Variants in FBXO5 observed in about 807,000 individuals in gnomAD.
The protein encoded by FBXO5 is F-box only protein 5.
Under a neutral mutation model 43.3 loss-of-function variants are expected in FBXO5, and 8 were observed. That is an observed-to-expected ratio of 0.18 (90% CI 0.11 to 0.33). FBXO5 has a LOEUF of 0.33. Ranked by LOEUF, FBXO5 falls within the 10% of genes least tolerant of loss-of-function variation. The pLI, the probability that FBXO5 is intolerant of heterozygous loss-of-function variation, is 1.00. For missense variants in FBXO5, 491 were observed against 535.7 expected, an observed-to-expected ratio of 0.92 and a Z score of 0.82; for synonymous variants, 204 against 193.7, an observed-to-expected ratio of 1.05 and a Z score of -0.44.
chr6:152,982,055 G>A (rs543860254), intron 1 of FBXO5, among the ~76,000 whole-genome samples: 5 of 152,302 alleles, frequency 3.3e-5, no homozygotes, highest in Admixed American at 1.3e-4. Context: ...TTCAAGGTTC[G>A]TAGTAAAAAT....
chr6:152,978,345 C>T (rs2129094124), intron 1 of FBXO5, among the ~76,000 whole-genome samples: 1 of 115,858 alleles, frequency 8.6e-6, no homozygotes, highest in Non-Finnish European at 1.6e-5. Context: ...TATTTAGCTT[C>T]TAATCCATTA....
At chr6:152,972,669 T>C in intron 3 of FBXO5, 1 of 509,882 alleles carries the variant, frequency 2.0e-6, no homozygotes, top group Non-Finnish European at 3.5e-6. Flanking sequence ...AACCAAATAC[T>C]ATGGGAAATC....
At chr6:152,982,541 C>T (rs1387103125) in intron 1 of FBXO5, among the ~76,000 whole-genome samples, 1 of 152,094 alleles carries the variant, frequency 6.6e-6, no homozygotes, top group Non-Finnish European at 1.5e-5. Flanking sequence ...GTAGGTGGGT[C>T]TTCCGAGGAG....
intron 1 of FBXO5, among the ~76,000 whole-genome samples, chr6:152,976,430 G>A (rs1407632063): frequency 6.6e-6 from 1 of 152,018 alleles, no homozygotes; most frequent in African/African-American, 2.4e-5. Flanking sequence ...TAGTAAACTC[G>A]AGTACCGGGA....
At chr6:152,982,416 G>C (rs995899040) in intron 1 of FBXO5, among the ~76,000 whole-genome samples, 2 of 152,112 alleles carry the variant, frequency 1.3e-5, no homozygotes, top group Non-Finnish European at 2.9e-5. Flanking sequence ...CGCAGGGGGA[G>C]AAGGTGAGGC....
In FBXO5 at chr6:152,973,095, T is replaced by A; in HGVS notation, c.860A>T (p.Asp287Val). 4 of 1,613,942 alleles carry A rather than the reference T, an allele frequency of 2.5e-6. No individual in the cohort carries two copies. The highest frequency in any genetic ancestry group is 3.4e-6 in the Non-Finnish European group (4 of 1,179,900). ...GTACAACTGGAATGCCCCCTTATCATCTTCTAGGATCTTCTTCCAAGTTGT... is the reference window on the plus strand; with the variant it reads ...GTACAACTGGAATGCCCCCTTATCAACTTCTAGGATCTTCTTCCAAGTTGT... ...VSTTWKKILE[D>V]DKGAFQLYSK... The change falls in exon 3 of 5, where the codon GAT (aspartate) becomes GTT (valine). Residue 287 changes from aspartate (D) to valine (V), a missense_variant. Coordinates refer to ENST00000229758, the MANE Select transcript of FBXO5 (RefSeq NM_012177.5).
chr6:152,982,675 C>T (rs1057407151), intron 1 of FBXO5, among the ~76,000 whole-genome samples, 182 bp downstream of exon 1: 1 of 152,158 alleles, frequency 6.6e-6, no homozygotes, highest in Non-Finnish European at 1.5e-5. Context: ...TCTGGCTTCC[C>T]CCCGACACCC....
intron 1 of FBXO5, among the ~76,000 whole-genome samples, chr6:152,978,897 G>A (rs552875927): frequency 5.3e-5 from 8 of 152,002 alleles, no homozygotes; most frequent in African/African-American, 1.4e-4. Context: ...AGGCTGAGGC[G>A]GGAGAATTGC....
chr6:152,971,671 G>A (rs1470356245), intron 4 of FBXO5, among the ~76,000 whole-genome samples: 1 of 152,018 alleles, frequency 6.6e-6, no homozygotes, highest in East Asian at 1.9e-4. Context: ...TTATTATGTA[G>A]GATTTATATT....
chr6:152,983,399 C>T (rs182709451), upstream of FBXO5: 130 of 161,014 alleles, frequency 8.1e-4, no homozygotes, highest in Non-Finnish European at 1.5e-3. Context: ...TAATCTCAGC[C>T]CAAATTCAGC....
At chr6:152,971,801 T>C (rs1197256442) in intron 4 of FBXO5, among the ~76,000 whole-genome samples, 2 of 152,190 alleles carry the variant, frequency 1.3e-5, no homozygotes. Flanking sequence ...GATCTGAAGG[T>C]ATAATAGAAG....
At chr6:152,973,914 A>G (rs1196150791) in intron 2 of FBXO5, 2 of 152,098 alleles carry the variant, frequency 1.3e-5, no homozygotes, top group East Asian at 3.8e-4. Flanking sequence ...TCTGTTTCAT[A>G]AAGACCAGTG....
chr6:152,974,423 T>C (rs1472519891), intron 2 of FBXO5, among the ~76,000 whole-genome samples: 1 of 152,146 alleles, frequency 6.6e-6, no homozygotes, highest in East Asian at 1.9e-4. Flanking sequence ...ATTAGAAATT[T>C]CAAAACTAAA....
Position 152,982,984 on chromosome 6 carries a change from A to G in FBXO5, c.-25T>C. ...TGCCAGCCGACGTGGAGTCTGCCTC[A>G]GGTGGAGGAACCGCTCCGGGGGCAG... On this transcript the variant is annotated 5_prime_UTR_variant, in exon 1 of 5. Coordinates refer to ENST00000229758, the MANE Select transcript of FBXO5 (RefSeq NM_012177.5). 2 of 1,362,972 alleles carry G rather than the reference A, an allele frequency of 1.5e-6. No individual in the cohort carries two copies. The highest frequency in any genetic ancestry group is 1.9e-6 in the Non-Finnish European group (2 of 1,058,552). The allele number at this position is 1,362,972 out of a possible 1,614,324, so 84.4% of individuals were successfully genotyped here.
In FBXO5 at chr6:152,971,216, T is replaced by G; in HGVS notation, c.1291A>C (p.Ile431Leu). ...TTCTTTGTACCAGGCAGGGGACCTATTTTACAACTGGCTTTGAGGAGCTTG... is the reference window on the plus strand; with the variant it reads ...TTCTTTGTACCAGGCAGGGGACCTAGTTTACAACTGGCTTTGAGGAGCTTG... ...DGKLLKASCK[I>L]GPLPGTKKSK... Residue 431 changes from isoleucine to leucine, a missense_variant, in exon 5 of 5, where the codon ATA (isoleucine) becomes CTA (leucine). By Grantham distance (5) the Ile-to-Leu change is conservative. Coordinates refer to ENST00000229758, the MANE Select transcript of FBXO5 (RefSeq NM_012177.5). 1 of 1,613,854 alleles carries G rather than the reference T, an allele frequency of 6.2e-7. No individual in the cohort carries two copies. The highest frequency in any genetic ancestry group is 8.5e-7 in the Non-Finnish European group (1 of 1,179,890).
chr6:152,978,380 G>GGC (rs1328195823), intron 1 of FBXO5, among the ~76,000 whole-genome samples: 1 of 38,558 alleles, frequency 2.6e-5, no homozygotes, highest in Non-Finnish European at 5.1e-5. Context: ...CATTTTTTGG[G>GGC]GGGGGGGGGG....
intron 1 of FBXO5, among the ~76,000 whole-genome samples, chr6:152,980,149 T>G (rs1020797219): frequency 7.9e-5 from 12 of 152,228 alleles, no homozygotes; most frequent in Admixed American, 2.0e-4. Flanking sequence ...ATGTGAAGTA[T>G]TCATATAATT....
In FBXO5 at chr6:152,975,636, TA is replaced by T. The variant is rs1323613401; in HGVS notation, c.104-16del. On this transcript the variant is annotated splice_polypyrimidine_tract_variant and intron_variant, in intron 1 of 4. Transcript: ENST00000229758. ...TTCTTTACAACCTATAAAAAGAACATAACATTTACATCTTAATGGCAAAATT... is the reference window on the plus strand; with the variant it reads ...TTCTTTACAACCTATAAAAAGAACATACATTTACATCTTAATGGCAAAATT... 6.5e-6 allele frequency: 10 copies of T among 1,533,026 alleles called. No homozygotes were observed. Among genetic ancestry groups the T allele is most frequent in the Non-Finnish European group, 8.8e-6 (10 of 1,142,312 alleles). The allele number at this position is 1,533,026 out of a possible 1,614,324, so 95.0% of individuals were successfully genotyped here. A position where few individuals can be genotyped will look rare whatever the true frequency, so the allele number is the denominator to read the frequency against.
Position 152,971,369 on chromosome 6 carries a change from G to A in FBXO5, c.1138C>T (p.Arg380Cys), listed in dbSNP as rs147737617. ...KKNESLKACI[R>C]CNSPAKYDCY... Reference sequence around the variant, plus strand: ...TCATATTTTGCAGGTGAATTACAGCGAATACAGGCTTTGAGGCTTTCGTTC... The same window carrying A: ...TCATATTTTGCAGGTGAATTACAGCAAATACAGGCTTTGAGGCTTTCGTTC... Residue 380 changes from arginine (R) to cysteine (C), a missense_variant, in exon 5 of 5, where the codon CGC becomes TGC. Arg to Cys is a radical substitution (Grantham distance 180). Coordinates refer to ENST00000229758, the MANE Select transcript of FBXO5 (RefSeq NM_012177.5). The A allele has an allele frequency of 1.2e-5, 20 of 1,613,358 alleles. No homozygotes were observed. The highest frequency in any genetic ancestry group is 4.5e-5 in the East Asian group (2 of 44,872).
Sources: gnomAD v4.1 joint callset for allele counts (sites outside exome capture counted in the v4.1 genomes callset) on GRCh38, gnomAD v4.1.1 for gene constraint, MANE v1.5 for transcripts, NCBI Gene and HGNC (gene_info 2026-07-23, HGNC 2026-07-21) for gene names.